The following PRKAG2 variants were observed in gnomAD, a reference collection of about 807,000 sequenced individuals.
The protein encoded by PRKAG2 is 5'-AMP-activated protein kinase subunit gamma-2.
PRKAG2 carries 26 observed loss-of-function variants against 69.6 expected under a neutral mutation model. The observed-to-expected ratio is 0.37, with a 90% CI of 0.27 to 0.52. PRKAG2 has a LOEUF of 0.52. Among genes scored for constraint, PRKAG2 ranks in the 20% least tolerant of loss-of-function variants. PRKAG2 has a pLI of 0.90. For synonymous variants in PRKAG2, 293 were observed against 285.0 expected, an observed-to-expected ratio of 1.03 and a Z score of -0.28; for missense variants, 557 against 740.0, an observed-to-expected ratio of 0.75 and a Z score of 2.87.
chr7:151,851,132 A>T (rs1394879145), intron 1 of PRKAG2, among the ~76,000 whole-genome samples: 1 of 152,068 alleles, frequency 6.6e-6, no homozygotes, highest in African/African-American at 2.4e-5. Flanking sequence ...ATATCACAAA[A>T]CAAACACACA....
In PRKAG2 at chr7:151,632,140, T is replaced by C; in HGVS notation, c.685-2A>G. The C allele has an allele frequency of 7.2e-7, 1 of 1,397,292 alleles. No individual in the cohort carries two copies. Among genetic ancestry groups the C allele is most frequent in the Non-Finnish European group, 9.4e-7 (1 of 1,061,914 alleles). 86.6% of individuals were successfully genotyped at this position (1,397,292 alleles called of 1,614,324 possible). On this transcript the variant is annotated splice_acceptor_variant, in intron 4 of 15. Coordinates refer to ENST00000287878, the MANE Select transcript of PRKAG2 (RefSeq NM_016203.4). LOFTEE classifies it high-confidence loss of function. The surrounding 1 kb of genome is among the most constrained non-coding windows in gnomAD (Gnocchi z 4.2). ...TCCCAGGGCCGCCGCCAGCGCCGCC[T>C]GAGGGGGAGGAGGAGGACAGCGATC...
intron 4 of PRKAG2, among the ~76,000 whole-genome samples, chr7:151,654,691 A>G (rs1829132918): frequency 6.6e-6 from 1 of 152,100 alleles, no homozygotes; most frequent in Non-Finnish European, 1.5e-5. Flanking sequence ...AGCTCAGGAT[A>G]TGCTGGGTTT....
In PRKAG2 at chr7:151,807,130, G is replaced by A. The variant is rs930831359; in HGVS notation, c.115-20589C>T. The A allele has an allele frequency of 4.8e-5, 18 of 377,744 alleles. No homozygotes were observed. Among genetic ancestry groups the A allele is most frequent in the Non-Finnish European group, 8.3e-5 (16 of 191,686 alleles). The allele number at this position is 377,744 out of a possible 1,614,324, so 23.4% of individuals were successfully genotyped here. ...AGGGACCTTGTGGAGTGGTGGAAAT[G>A]TTCCAGATCACACTGTGGCGGTGGT... is the stretch of plus-strand genomic sequence containing the variant. On this transcript the variant is annotated intron_variant, in intron 1 of 15. Coordinates refer to ENST00000287878, the MANE Select transcript of PRKAG2 (RefSeq NM_016203.4). The surrounding 1 kb of genome is among the most constrained non-coding windows in gnomAD (Gnocchi z 4.4).
chr7:151,618,571 C>G (rs1820719588), intron 5 of PRKAG2, among the ~76,000 whole-genome samples: 1 of 151,816 alleles, frequency 6.6e-6, no homozygotes, highest in African/African-American at 2.4e-5. Context: ...TTGAAACCAG[C>G]CTGGTCAACA....
In PRKAG2 at chr7:151,638,502, C is replaced by T. The variant is rs971839420; in HGVS notation, c.685-6364G>A. Among the ~76,000 whole-genome samples, 10 of 152,076 alleles carry T rather than the reference C, an allele frequency of 6.6e-5. No homozygotes were observed. The highest frequency in any genetic ancestry group is 1.0e-4 in the Non-Finnish European group (7 of 68,026). On this transcript the variant is annotated intron_variant, in intron 4 of 15. Coordinates refer to ENST00000287878, the MANE Select transcript of PRKAG2 (RefSeq NM_016203.4). This position sits in a 1 kb window ranked among gnomAD's most constrained non-coding sequence, Gnocchi z 4.3. ...TACAAAAATTAGCCGGGCATGGTTG[C>T]GCACACCTGTAGTCCCAGCTACTCG...
intron 15 of PRKAG2, chr7:151,558,895 T>A: frequency 1.0e-6 from 1 of 985,430 alleles, no homozygotes; most frequent in Non-Finnish European, 1.2e-6. Flanking sequence ...GTTTGAGATA[T>A]CAAGAAACAG....
chr7:151,564,070 C>T lies in PRKAG2; in HGVS notation c.1584+8G>A, dbSNP rs762649633. 14 of 1,613,792 alleles carry T rather than the reference C, an allele frequency of 8.7e-6. No individual in the cohort carries two copies. Among genetic ancestry groups the T allele is most frequent in the South Asian group, 6.6e-5 (6 of 91,044 alleles). On this transcript the variant is annotated splice_region_variant and intron_variant, in intron 14 of 15. Coordinates refer to ENST00000287878, the MANE Select transcript of PRKAG2 (RefSeq NM_016203.4). ...GTCGGGGGAGCAGGACTGGGAAAGCCGTCTCACCTCAGCTCTTACTATTCT... is the reference window on the plus strand; with the variant it reads ...GTCGGGGGAGCAGGACTGGGAAAGCTGTCTCACCTCAGCTCTTACTATTCT...
Position 151,675,563 on chromosome 7 carries a change from T to G in PRKAG2, c.541A>C (p.Lys181Gln), listed in dbSNP as rs765259437. The G allele has an allele frequency of 3.1e-6, 5 of 1,613,972 alleles. No homozygotes were observed. The East Asian group carries it at 1.1e-4, about 36-fold the overall frequency. The change falls in exon 4 of 16, where the codon AAG becomes CAG. Residue 181 changes from lysine to glutamine, a missense_variant. By Grantham distance (53) the Lys-to-Gln change is moderately conservative. Transcript: ENST00000287878. ...TTCTCTAACCGTTCAGGCTCGTGCTTATAGGATTCCAGGGGAAACGTGTGC... is the reference window on the plus strand; with the variant it reads ...TTCTCTAACCGTTCAGGCTCGTGCTGATAGGATTCCAGGGGAAACGTGTGC... ...KQHTFPLESY[K>Q]HEPERLENRI...
At chr7:151,744,373 G>A (rs577369243) in intron 3 of PRKAG2, among the ~76,000 whole-genome samples, 1 of 152,192 alleles carries the variant, frequency 6.6e-6, no homozygotes, top group South Asian at 2.1e-4. Flanking sequence ...GGGACTCTGG[G>A]TCTCCGTTGT....
At chr7:151,671,955 A>G (rs1445060097) in intron 4 of PRKAG2, among the ~76,000 whole-genome samples, 1 of 152,000 alleles carries the variant, frequency 6.6e-6, no homozygotes, top group Non-Finnish European at 1.5e-5. Context: ...TAAAAATTGG[A>G]GTCTTGACCA....
intron 3 of PRKAG2, among the ~76,000 whole-genome samples, chr7:151,773,860 G>A (rs369438998): frequency 2.0e-5 from 3 of 152,196 alleles, no homozygotes; most frequent in African/African-American, 4.8e-5. Flanking sequence ...CACAAGGTCA[G>A]CCAGGTAAAC....
intron 5 of PRKAG2, among the ~76,000 whole-genome samples, chr7:151,618,185 G>A (rs1651385134): frequency 6.6e-6 from 1 of 152,184 alleles, no homozygotes; most frequent in South Asian, 2.1e-4. Context: ...GGGCGTGGTG[G>A]CTCATGCCTG....
chr7:151,744,944 T>C (rs528604542), intron 3 of PRKAG2, among the ~76,000 whole-genome samples: 2 of 152,294 alleles, frequency 1.3e-5, no homozygotes, highest in Admixed American at 1.3e-4. Context: ...GCCATGACTA[T>C]TCAGTTCAAG....
chr7:151,656,138 T>A (rs868766), intron 4 of PRKAG2, among the ~76,000 whole-genome samples: 131,275 of 152,268 alleles, frequency 0.86, 57,047 homozygotes, highest in African/African-American at 0.96. Context: ...TAAGTACATA[T>A]TCATTTATCA....
At chr7:151,798,408 G>C (rs767344634) in intron 1 of PRKAG2, among the ~76,000 whole-genome samples, 1 of 151,900 alleles carries the variant, frequency 6.6e-6, no homozygotes, top group East Asian at 1.9e-4. Flanking sequence ...TCCGCCTCCC[G>C]GGTTCAAGCG....
intron 5 of PRKAG2, among the ~76,000 whole-genome samples, chr7:151,616,786 A>C (rs967833799): frequency 1.3e-5 from 2 of 152,238 alleles, no homozygotes; most frequent in African/African-American, 4.8e-5. Context: ...GAGAAGAAGA[A>C]ACATTCTAGG....
intron 5 of PRKAG2, among the ~76,000 whole-genome samples, chr7:151,608,755 C>A (rs867501627): frequency 2.6e-5 from 4 of 151,636 alleles, no homozygotes; most frequent in African/African-American, 9.7e-5. Flanking sequence ...AAAACAAAAA[C>A]CTTTATATAC....
chr7:151,847,885 G>A (rs1289435794), intron 1 of PRKAG2, among the ~76,000 whole-genome samples: 2 of 152,242 alleles, frequency 1.3e-5, no homozygotes, highest in Admixed American at 6.5e-5. Context: ...CAGACTGGGG[G>A]TGTCTTTCCC....
At chr7:151,721,620 G>A (rs1797131609) in intron 3 of PRKAG2, among the ~76,000 whole-genome samples, 2 of 152,190 alleles carry the variant, frequency 1.3e-5, no homozygotes, top group African/African-American at 4.8e-5. Flanking sequence ...GACCCCCTGG[G>A]GCAGTCAAGG....
Sources: gnomAD v4.1 joint callset for allele counts (sites outside exome capture counted in the v4.1 genomes callset) on GRCh38, gnomAD v4.1.1 for gene constraint, Gnocchi (gnomAD v3.1) non-coding constraint, MANE v1.5 for transcripts, NCBI Gene and HGNC (gene_info 2026-07-23, HGNC 2026-07-21) for gene names.